The following DAB1 variants were observed in gnomAD, a reference collection of about 807,000 sequenced individuals.
DAB1 encodes disabled homolog 1.
DAB1 carries 15 observed loss-of-function variants against 64.6 expected under a neutral mutation model. The observed-to-expected ratio is 0.23, with a 90% CI of 0.16 to 0.36. The LOEUF (loss-of-function observed/expected upper bound fraction) is 0.36, where lower values mean the gene tolerates loss of function less well. Among genes scored for constraint, DAB1 ranks in the 10% least tolerant of loss-of-function variants. The probability of loss-of-function intolerance (pLI) is 1.00; values close to 1 mark genes in which losing one functional copy is unlikely to be tolerated. For synonymous variants in DAB1, 235 were observed against 251.9 expected (o/e 0.93, Z 0.64); for missense variants, 596 against 706.7 (o/e 0.84, Z 1.78).
chr1:57,558,265 G>A (rs765309813), intron 7 of DAB1, among the ~76,000 whole-genome samples: 4 of 152,178 alleles, frequency 2.6e-5, no homozygotes, highest in Non-Finnish European at 5.9e-5. Flanking sequence ...TTTTGTCTGA[G>A]GAGATAAACC....
chr1:58,014,091 C>T (rs1646706464), intron 5 of DAB1, among the ~76,000 whole-genome samples: 1 of 152,086 alleles, frequency 6.6e-6, no homozygotes, highest in Admixed American at 6.6e-5. Flanking sequence ...TTAGCTGTTA[C>T]TGTGTTACTC....
rs145802574 is a variant in DAB1, at chr1:58,079,258, A to G, written n.387+71253T>C. On this transcript the variant is annotated intron_variant and non_coding_transcript_variant, in intron 5 of 20. Transcript: ENST00000485760. ...CCCCTCAGACATCACATCATCAGGG[A>G]ACCCCTCCCAGACCATCCTGGCAGA... 9.2e-4 allele frequency among the ~76,000 whole-genome samples: 140 copies of G among 152,226 alleles called. 2 individuals carry two copies. The highest frequency in any genetic ancestry group is 2.0e-3 in the Admixed American group (30 of 15,292).
chr1:57,553,418 G>GA (rs1306662703), intron 7 of DAB1, among the ~76,000 whole-genome samples: 1 of 12,748 alleles, frequency 7.8e-5, no homozygotes, highest in Non-Finnish European at 6.7e-4. Flanking sequence ...AAGAAAGAAA[G>GA]AAAGAAAGAA....
intron 7 of DAB1, among the ~76,000 whole-genome samples, chr1:57,434,852 AC>A (rs1685632080): frequency 6.6e-6 from 1 of 152,154 alleles, no homozygotes; most frequent in South Asian, 2.1e-4. Context: ...AATATGCTCT[AC>A]CTATATAGAG....
At chr1:57,724,915 A>AATCAAT (rs1647191305) in intron 6 of DAB1, among the ~76,000 whole-genome samples, 1 of 152,216 alleles carries the variant, frequency 6.6e-6, no homozygotes, top group Admixed American at 6.5e-5. Context: ...ATGATGAAGG[A>AATCAAT]ATCAATACAC....
chr1:57,993,300 A>G (rs751617951), intron 5 of DAB1, among the ~76,000 whole-genome samples: 3 of 152,142 alleles, frequency 2.0e-5, no homozygotes, highest in African/African-American at 7.2e-5. Context: ...AAAAAGATAA[A>G]ATAATAATAC....
At chr1:58,234,833 C>G (rs1487622400) in intron 4 of DAB1, among the ~76,000 whole-genome samples, 1 of 152,150 alleles carries the variant, frequency 6.6e-6, no homozygotes, top group Non-Finnish European at 1.5e-5. Flanking sequence ...ACACCCAGAG[C>G]CTACAACCTT....
intron 6 of DAB1, among the ~76,000 whole-genome samples, chr1:57,812,479 C>T (rs144387939): frequency 1.2e-3 from 181 of 152,190 alleles, no homozygotes; most frequent in Non-Finnish European, 2.0e-3. Flanking sequence ...TGCATGCCAA[C>T]AGTGGAGGCG....
chr1:57,552,574 G>C (rs138483284), intron 7 of DAB1, among the ~76,000 whole-genome samples: 1 of 152,150 alleles, frequency 6.6e-6, no homozygotes, highest in African/African-American at 2.4e-5. Context: ...AGCAGGGATC[G>C]CATCCTAGGC....
intron 10 of DAB1, among the ~76,000 whole-genome samples, chr1:57,024,314 A>T (rs904055101): frequency 2.0e-5 from 3 of 152,200 alleles, no homozygotes; most frequent in African/African-American, 7.2e-5. Flanking sequence ...TGGAATTCCA[A>T]AAAGGTCTGC....
chr1:57,584,051 A>T (rs1348878252), intron 7 of DAB1, among the ~76,000 whole-genome samples: 4 of 152,164 alleles, frequency 2.6e-5, no homozygotes, highest in African/African-American at 9.7e-5. Context: ...AGAAGACTGA[A>T]AACCTAACTT....
At chr1:57,739,656 T>A (rs1647882837) in intron 6 of DAB1, among the ~76,000 whole-genome samples, 1 of 151,016 alleles carries the variant, frequency 6.6e-6, no homozygotes, top group Non-Finnish European at 1.5e-5. Flanking sequence ...TTTCGCCATG[T>A]TGGCCAGGCT....
chr1:57,686,004 GA>G (rs369791170), intron 6 of DAB1, among the ~76,000 whole-genome samples: 1 of 150,908 alleles, frequency 6.6e-6, no homozygotes, highest in East Asian at 1.9e-4. Context: ...AGAGGAATTA[GA>G]AAAAAAAGAA....
At chr1:58,288,038 A>AAAAAAG (rs1661731695) in intron 4 of DAB1, among the ~76,000 whole-genome samples, 1 of 122,658 alleles carries the variant, frequency 8.2e-6, no homozygotes, top group Non-Finnish European at 1.7e-5. Context: ...AAAAAAAAAA[A>AAAAAAG]AAAAAAAGAA....
chr1:57,807,892 C>G (rs1651439436), intron 6 of DAB1, among the ~76,000 whole-genome samples: 1 of 152,160 alleles, frequency 6.6e-6, no homozygotes, highest in South Asian at 2.1e-4. Context: ...TATATTTTCT[C>G]TTCCTTATGA....
chr1:57,469,131 G>A (rs1306664488), intron 7 of DAB1, among the ~76,000 whole-genome samples: 2 of 152,184 alleles, frequency 1.3e-5, no homozygotes, highest in Non-Finnish European at 2.9e-5. Context: ...TAAAATGGAA[G>A]GCAGACAAAT....
intron 7 of DAB1, among the ~76,000 whole-genome samples, chr1:57,431,621 C>T (rs1484601442): frequency 1.3e-5 from 2 of 152,090 alleles, no homozygotes; most frequent in Non-Finnish European, 2.9e-5. Flanking sequence ...TTCCAAGGAG[C>T]GGGTAGCGGA....
At chr1:57,813,411 TTGTG>T (rs1167761081) in intron 6 of DAB1, among the ~76,000 whole-genome samples, 7 of 152,340 alleles carry the variant, frequency 4.6e-5, no homozygotes, top group African/African-American at 1.7e-4. Flanking sequence ...CGAGATCCTT[TTGTG>T]TGGTAAACAC....
intron 5 of DAB1, among the ~76,000 whole-genome samples, chr1:57,940,686 A>G (rs1324995547): frequency 1.3e-5 from 2 of 152,208 alleles, no homozygotes; most frequent in Non-Finnish European, 2.9e-5. Context: ...CCATTTGAGT[A>G]GCAAAGACCT....
Sources: gnomAD v4.1 joint callset for allele counts (sites outside exome capture counted in the v4.1 genomes callset) on GRCh38, gnomAD v4.1.1 for gene constraint, MANE v1.5 for transcripts, NCBI Gene and HGNC (gene_info 2026-07-23, HGNC 2026-07-21) for gene names.